The following HOOK2 variants were observed in gnomAD, a reference collection of about 807,000 sequenced individuals.
HOOK2 encodes protein Hook homolog 2.
HOOK2 carries 108 observed loss-of-function variants against 111.9 expected under a neutral mutation model. The ratio of observed to expected loss-of-function variants is 0.96; its 90% CI spans 0.83 to 1.13. The LOEUF is 1.13. HOOK2 is among the 50% of genes most tolerant of loss of function. The pLI is 0.00. For missense variants in HOOK2, 978 were observed against 951.3 expected, an observed-to-expected ratio of 1.03 and a Z score of -0.37; for synonymous variants, 405 against 394.3, an observed-to-expected ratio of 1.03 and a Z score of -0.32.
rs373267276 is a variant in HOOK2, at chr19:12,764,979, G to A, written c.1723+20C>T. 1 of 1,613,906 alleles carries A rather than the reference G, an allele frequency of 6.2e-7. No individual in the cohort carries two copies. The highest frequency in any genetic ancestry group is 1.3e-5 in the African/African-American group (1 of 74,896). ...GGGCTCTGGGATCTCCCCACCCTCT[G>A]GTCACTAGGTCCTACTTACTGCTGC... On this transcript the variant is annotated intron_variant, in intron 19 of 22. Transcript: ENST00000397668.
Position 12,791,875 on chromosome 19 carries a change from T to C in HOOK2, n.42-17650A>G, listed in dbSNP as rs768700647. On this transcript the variant is annotated intron_variant and non_coding_transcript_variant, in intron 3 of 3. Coordinates refer to the HOOK2 transcript ENST00000589765. This position sits in a 1 kb window ranked among gnomAD's most constrained non-coding sequence, Gnocchi z 7.0. Reference sequence around the variant, plus strand: ...CTCTCTCTACACGACTACAAACTCCTGAAACCGAGCCTGGCGGTCAACCTG... The same window carrying C: ...CTCTCTCTACACGACTACAAACTCCCGAAACCGAGCCTGGCGGTCAACCTG... The C allele has an allele frequency of 2.5e-6, 4 of 1,613,308 alleles. No individual in the cohort carries two copies. In the African/African-American group the frequency reaches 4.0e-5, roughly 16 times the overall value.
At chr19:12,768,238 A>C in intron 11 of HOOK2, 115 bp from the exon 12 acceptor site, 2 of 814,672 alleles carry the variant, frequency 2.5e-6, no homozygotes, top group Non-Finnish European at 3.9e-6. Flanking sequence ...TGACTTTACT[A>C]TGGTGCTTTC....
chr19:12,771,408 G>A lies in HOOK2; in HGVS notation c.589C>T (p.Leu197=). 6.2e-7 allele frequency: 1 copy of A among 1,613,676 alleles called. No homozygotes were observed. Among genetic ancestry groups the A allele is most frequent in the Non-Finnish European group, 8.5e-7 (1 of 1,179,848 alleles). The change falls in exon 8 of 23, where the codon CTG becomes TTG. Residue 197 remains leucine, a synonymous_variant. Coordinates refer to ENST00000397668, the MANE Select transcript of HOOK2 (RefSeq NM_013312.3). ...GDELQQRCLD[L]ERQLMLLSEE... ...ACCTAGGGCCCTACCTGCCGCTCCA[G>A]ATCCAGACAGCGCTGCTGTAATTCG...
upstream of HOOK2, among the ~76,000 whole-genome samples, chr19:12,776,916 G>C (rs960670443): frequency 6.6e-6 from 1 of 151,782 alleles, no homozygotes; most frequent in East Asian, 1.9e-4. Context: ...CCAGCACTTT[G>C]GGAGGCCTAG....
In HOOK2 at chr19:12,763,533, T is replaced by C; in HGVS notation, c.2005A>G (p.Asn669Asp). 6.2e-7 allele frequency: 1 copy of C among 1,614,196 alleles called. No individual in the cohort carries two copies. Among genetic ancestry groups the C allele is most frequent in the South Asian group, 1.1e-5 (1 of 91,088 alleles). ...AGCCCAGACCCCACACTTACCATATTATACCAGGCACTGATGAGCAGCTTT... is the reference window on the plus strand; with the variant it reads ...AGCCCAGACCCCACACTTACCATATCATACCAGGCACTGATGAGCAGCTTT... ...EEKLLISAWY[N>D]MGMALQQRAG... Residue 669 changes from asparagine to aspartate, a missense_variant, in exon 22 of 23, where the codon AAT becomes GAT. By Grantham distance (23) the Asn-to-Asp change is conservative. This residue lies in a region of HOOK2 where 277 missense variants were observed against 265.8 expected (regional missense o/e 1.04). Transcript: ENST00000397668.
upstream of HOOK2, among the ~76,000 whole-genome samples, chr19:12,781,551 C>T (rs1050497708): frequency 5.3e-5 from 8 of 152,108 alleles, no homozygotes; most frequent in Admixed American, 2.6e-4. Context: ...TGGTCTCGAT[C>T]TCCAGACCTC....
In HOOK2 at chr19:12,772,856, C is replaced by G. The variant is rs748431502; in HGVS notation, c.312G>C (p.Glu104Asp). Residue 104 changes from glutamate (E) to aspartate (D), a missense_variant, in exon 5 of 23, where the codon GAG becomes GAC. Coordinates refer to ENST00000397668, the MANE Select transcript of HOOK2 (RefSeq NM_013312.3). ...TGCCGAGCTCTGCCGGGTCTGAGAA[C>G]TCTCCAATGAGGCTCACATCTGGGA... ...EHLPDVSLIG[E>D]FSDPAELGKL... 27 of 1,614,222 alleles carry G rather than the reference C, an allele frequency of 1.7e-5. No individual in the cohort carries two copies. Among genetic ancestry groups the G allele is most frequent in the Non-Finnish European group, 2.3e-5 (27 of 1,180,054 alleles).
In HOOK2 at chr19:12,769,902, C is replaced by G; in HGVS notation, c.1083G>C (p.Gln361His). 1 of 1,497,168 alleles carries G rather than the reference C, an allele frequency of 6.7e-7. No individual in the cohort carries two copies. Among genetic ancestry groups the G allele is most frequent in the Non-Finnish European group, 8.8e-7 (1 of 1,132,228 alleles). The allele number at this position is 1,497,168 out of a possible 1,614,324, so 92.7% of individuals were successfully genotyped here. A position where few individuals can be genotyped will look rare whatever the true frequency, so the allele number is the denominator to read the frequency against. Residue 361 changes from glutamine (Q) to histidine (H), a missense_variant, in exon 11 of 23, where the codon CAG becomes CAC. Gln to His is a conservative substitution (Grantham distance 24). Coordinates refer to ENST00000397668, the MANE Select transcript of HOOK2 (RefSeq NM_013312.3). ...GCACCTGCCGCCGCTGCGCCTCCAG[C>G]TGGGCGCGCAGGGAGCCCGCTCGGC... ...ELRRAGSLRA[Q>H]LEAQRRQVQE... is the part of the protein sequence containing the mutation.
At position 12,763,780 on chromosome 19, in the gene HOOK2, T is replaced by G. The variant is rs535643260; in HGVS notation, c.1828-2A>C. The G allele has an allele frequency of 6.2e-7, 1 of 1,612,972 alleles. No individual in the cohort carries two copies. Among genetic ancestry groups the G allele is most frequent in the Admixed American group, 1.7e-5 (1 of 59,986 alleles). The stretch of plus-strand genomic sequence containing the variant: ...CTTGGGTTCCATGGTCTGCATGACC[T>G]ACAGGTTGAGGAAGTCATAGCCAGG... On this transcript the variant is annotated splice_acceptor_variant, in intron 20 of 22. Coordinates refer to ENST00000397668, the MANE Select transcript of HOOK2 (RefSeq NM_013312.3). LOFTEE classifies it high-confidence loss of function.
In HOOK2 at chr19:12,775,398, G is replaced by A; in HGVS notation, c.45+7C>T. The A allele has an allele frequency of 6.2e-7, 1 of 1,611,574 alleles. No individual in the cohort carries two copies. Among genetic ancestry groups the A allele is most frequent in the Non-Finnish European group, 8.5e-7 (1 of 1,179,228 alleles). ...TCACCTTCCCCTAGCCCCGCCCCACGACCTACCCAGGTGAGCAGAGACCCG... is the reference window on the plus strand; with the variant it reads ...TCACCTTCCCCTAGCCCCGCCCCACAACCTACCCAGGTGAGCAGAGACCCG... On this transcript the variant is annotated splice_region_variant and intron_variant, in intron 1 of 22. Transcript: ENST00000397668.
chr19:12,765,665 G>C, intron 18 of HOOK2, 25 bp downstream of exon 18: 1 of 1,613,916 alleles, frequency 6.2e-7, no homozygotes, highest in Non-Finnish European at 8.5e-7. Context: ...GCCCCCACGA[G>C]GAGTTCCCTC....
Position 12,792,086 on chromosome 19 carries a change from C to G in HOOK2, n.42-17861G>C, listed in dbSNP as rs1054257033. On this transcript the variant is annotated intron_variant and non_coding_transcript_variant, in intron 3 of 3. Transcript: ENST00000589765. ...GCGTGATCACGACGACGCCTACACCCCCGGGACAGTACTTTTACCCCCGCG... is the reference window on the plus strand; with the variant it reads ...GCGTGATCACGACGACGCCTACACCGCCGGGACAGTACTTTTACCCCCGCG... 4.4e-6 allele frequency: 7 copies of G among 1,603,600 alleles called. No homozygotes were observed. The African/African-American group carries it at 9.4e-5, about 21-fold the overall frequency.
rs573203643 is a variant in HOOK2, at chr19:12,788,750, G to A, written n.42-14525C>T. ...CCCCAACGCTGCCCGCTGCGCCCCC[G>A]CGGGGCCCAGCCAGATGTCAGCTGC... On this transcript the variant is annotated intron_variant and non_coding_transcript_variant, in intron 3 of 3. Coordinates refer to the HOOK2 transcript ENST00000589765. Among the ~76,000 whole-genome samples, 9 of 152,310 alleles carry A rather than the reference G, an allele frequency of 5.9e-5. No individual in the cohort carries two copies. In the South Asian group the frequency reaches 1.9e-3, roughly 32 times the overall value.
chr19:12,765,413 C>A (rs946532919), intron 18 of HOOK2: 2 of 587,266 alleles, frequency 3.4e-6, no homozygotes, highest in Non-Finnish European at 6.1e-6. Flanking sequence ...AGCCAGGGAT[C>A]TTTCTAGAAT....
chr19:12,786,081 T>G lies in HOOK2; in HGVS notation n.42-11856A>C, dbSNP rs1968653257. ...AGAGAAAGAGAGAGACTCTCCTTCC[T>G]GCTTCCAAGAAAACCTAGCAGCTTC... On this transcript the variant is annotated intron_variant and non_coding_transcript_variant, in intron 3 of 3. Transcript: ENST00000589765. The surrounding 1 kb of genome is among the most constrained non-coding windows in gnomAD (Gnocchi z 4.3). 6.6e-6 allele frequency among the ~76,000 whole-genome samples: 1 copy of G among 152,174 alleles called. No homozygotes were observed. Among genetic ancestry groups the G allele is most frequent in the Admixed American group, 6.5e-5 (1 of 15,284 alleles).
rs749978879 is a variant in HOOK2, at chr19:12,763,774, A to G, written c.1832T>C (p.Met611Thr). The change falls in exon 21 of 23, where the codon ATG becomes ACG. Residue 611 changes from methionine (M) to threonine (T), a missense_variant. By Grantham distance (81) the Met-to-Thr change is moderately conservative. Around this residue, in one of 5 missense-constraint regions of HOOK2, gnomAD observed 277 missense variants for 265.8 expected, o/e 1.04. Transcript: ENST00000397668. Reference protein sequence around the residue: ...RRYVDKARMVMQTMEPKQRPA... With the variant: ...RRYVDKARMVTQTMEPKQRPA... ...CCGCTGCTTGGGTTCCATGGTCTGC[A>G]TGACCTACAGGTTGAGGAAGTCATA... 4.3e-6 allele frequency: 7 copies of G among 1,613,800 alleles called. No homozygotes were observed. Among genetic ancestry groups the G allele is most frequent in the East Asian group, 2.2e-5 (1 of 44,878 alleles).
At chr19:12,772,000 A>C (rs1261690940) in intron 7 of HOOK2, 190 bp downstream of exon 7, 1 of 605,336 alleles carries the variant, frequency 1.7e-6, no homozygotes, top group Non-Finnish European at 3.0e-6. Flanking sequence ...AGCACCCTGG[A>C]AGATGGGCGT....
upstream of HOOK2, among the ~76,000 whole-genome samples, chr19:12,777,316 T>C (rs1311105173): frequency 6.6e-6 from 1 of 150,416 alleles, no homozygotes; most frequent in African/African-American, 2.5e-5. Flanking sequence ...TCTACAAAAA[T>C]AAAATAAAAA....
upstream of HOOK2, among the ~76,000 whole-genome samples, chr19:12,782,939 T>A (rs986149490): frequency 1.3e-5 from 2 of 150,324 alleles, no homozygotes; most frequent in Admixed American, 1.3e-4. Context: ...CAGGCGCGTG[T>A]TTCCTTTCCC....
Sources: gnomAD v4.1 joint callset for allele counts (sites outside exome capture counted in the v4.1 genomes callset) on GRCh38, gnomAD v4.1.1 for gene constraint, gnomAD v4.1.1 regional missense constraint, Gnocchi (gnomAD v3.1) non-coding constraint, MANE v1.5 for transcripts, NCBI Gene and HGNC (gene_info 2026-07-23, HGNC 2026-07-21) for gene names.